The following HIPK2 variants were observed in gnomAD, a reference collection of about 807,000 sequenced individuals.
The protein encoded by HIPK2 is homeodomain-interacting protein kinase 2.
Under a neutral mutation model 113.7 loss-of-function variants are expected in HIPK2, and 27 were observed. The ratio of observed to expected loss-of-function variants is 0.24; its 90% CI spans 0.17 to 0.33. HIPK2 has a LOEUF of 0.33. HIPK2 is among the 10% of genes least tolerant of loss of function. HIPK2 has a pLI of 1.00. For synonymous variants in HIPK2, 631 were observed against 642.2 expected (o/e 0.98, Z 0.26); for missense variants, 1,257 against 1,588.0 (o/e 0.79, Z 3.54).
chr7:139,585,224 T>C (rs6959265), intron 12 of HIPK2, among the ~76,000 whole-genome samples: 8,741 of 152,288 alleles, frequency 0.057, 571 homozygotes, highest in African/African-American at 0.16. Context: ...GGGTATCTTG[T>C]TTGAGGCCAC....
chr7:139,565,705 T>TTTTTTTTTTC lies in HIPK2; in HGVS notation c.*7221_*7222insGAAAAAAAAA, dbSNP rs1798069633. On this transcript the variant is annotated 3_prime_UTR_variant, in exon 15 of 15. Transcript: ENST00000406875. ...CTTGTCTTTCTTCCACCTCTACTTC[T>TTTTTTTTTTC]TTTTTTTTTTCTTTTTTTTTTCTTT... 7.0e-6 allele frequency: 1 copy of TTTTTTTTTTC among 143,528 alleles called. No individual in the cohort carries two copies. Among genetic ancestry groups the TTTTTTTTTTC allele is most frequent in the Non-Finnish European group, 1.5e-5 (1 of 66,042 alleles). The allele number at this position is 143,528 out of a possible 1,614,324, so 8.9% of individuals were successfully genotyped here.
intron 1 of HIPK2, among the ~76,000 whole-genome samples, chr7:139,772,551 A>G (rs1369786534): frequency 6.8e-6 from 1 of 146,780 alleles, no homozygotes; most frequent in Non-Finnish European, 1.5e-5. Flanking sequence ...TACGTAAAGA[A>G]AACACTTCAA....
intron 12 of HIPK2, among the ~76,000 whole-genome samples, chr7:139,587,015 A>G (rs1190251920): frequency 6.6e-6 from 1 of 152,158 alleles, no homozygotes; most frequent in Non-Finnish European, 1.5e-5. Context: ...AAAATAGATA[A>G]CGGTGATGGC....
rs772561512 is a variant in HIPK2, at chr7:139,613,512, C to T, written c.1991-189G>A. ...TCTAACAAATTAAAAAACAAAACTC[C>T]TCCTGAAATCTTGAATGTCTTCAAA... is the stretch of plus-strand genomic sequence containing the variant. On this transcript the variant is annotated intron_variant, in intron 8 of 14. Coordinates refer to ENST00000406875, the MANE Select transcript of HIPK2 (RefSeq NM_022740.5). The surrounding 1 kb of genome is among the most constrained non-coding windows in gnomAD (Gnocchi z 4.2). The T allele has an allele frequency of 1.8e-4, 40 of 224,100 alleles. No homozygotes were observed. Among genetic ancestry groups the T allele is most frequent in the Non-Finnish European group, 2.9e-4 (39 of 134,042 alleles). The allele number at this position is 224,100 out of a possible 1,614,324, so 13.9% of individuals were successfully genotyped here.
chr7:139,711,179 G>A (rs1795055090), intron 2 of HIPK2, among the ~76,000 whole-genome samples: 1 of 151,896 alleles, frequency 6.6e-6, no homozygotes. Flanking sequence ...TGTAATCCCA[G>A]CACTTTGGGA....
At chr7:139,703,055 A>T (rs1352871307) in intron 2 of HIPK2, among the ~76,000 whole-genome samples, 3 of 152,162 alleles carry the variant, frequency 2.0e-5, no homozygotes, top group African/African-American at 7.2e-5. Context: ...ATGAACAAAC[A>T]TATCTTTTTT....
rs752518503 is a variant in HIPK2, at chr7:139,716,217, G to A, written c.818C>T (p.Thr273Met). ...CTCCAACATCTCGAAGACCAAGCAC[G>A]TGTGGTTCTTGTGCTGGAAGCATTC... ...AYECFQHKNH[T>M]CLVFEMLEQN... Residue 273 changes from threonine (T) to methionine (M), a missense_variant, in exon 2 of 15, where the codon ACG (threonine) becomes ATG (methionine). By Grantham distance (81) the Thr-to-Met change is moderately conservative (BLOSUM62 -1). Transcript: ENST00000406875. This position sits in a 1 kb window ranked among gnomAD's most constrained non-coding sequence, Gnocchi z 9.3. 4 of 1,614,030 alleles carry A rather than the reference G, an allele frequency of 2.5e-6. No individual in the cohort carries two copies. The highest frequency in any genetic ancestry group is 2.2e-5 in the East Asian group (1 of 44,890).
intron 1 of HIPK2, among the ~76,000 whole-genome samples, chr7:139,737,758 A>T (rs1795978690): frequency 6.6e-6 from 1 of 152,250 alleles, no homozygotes. Context: ...CTTAGTTGCA[A>T]GCTAAAATTT....
At chr7:139,595,165 T>G (rs1197165066) in intron 12 of HIPK2, among the ~76,000 whole-genome samples, 1 of 152,230 alleles carries the variant, frequency 6.6e-6, no homozygotes, top group African/African-American at 2.4e-5. Context: ...GATTTTAAAT[T>G]GCTTTTGCTT....
intron 2 of HIPK2, among the ~76,000 whole-genome samples, chr7:139,677,342 G>T (rs1802539394): frequency 6.6e-6 from 1 of 152,040 alleles, no homozygotes; most frequent in South Asian, 2.1e-4. Flanking sequence ...GCTGGGTAAA[G>T]TGACTTCATT....
chr7:139,659,079 T>C (rs1032431038), intron 2 of HIPK2, among the ~76,000 whole-genome samples: 3 of 152,178 alleles, frequency 2.0e-5, no homozygotes, highest in African/African-American at 7.2e-5. Flanking sequence ...GGTATTGGCA[T>C]TGGCTGACCA....
chr7:139,732,110 A>G (rs1420695322), intron 1 of HIPK2, among the ~76,000 whole-genome samples: 1 of 152,228 alleles, frequency 6.6e-6, no homozygotes, highest in Non-Finnish European at 1.5e-5. Flanking sequence ...AAGAATAATA[A>G]AGTAGCATTG....
In HIPK2 at chr7:139,634,682, T is replaced by TTTTTTTTTTG. The variant is rs1345309695; in HGVS notation, c.1104-2958_1104-2957insCAAAAAAAAA. On this transcript the variant is annotated intron_variant, in intron 2 of 14. Transcript: ENST00000406875. ...GGGACTATCTGTTTCAGGTTTTTTT[T>TTTTTTTTTTG]TTTTTTTTTTTTTGAGACAGAGTCT... Among the ~76,000 whole-genome samples, 110 of 143,260 alleles carry TTTTTTTTTTG rather than the reference T, an allele frequency of 7.7e-4. 7 individuals carry two copies. Among genetic ancestry groups the TTTTTTTTTTG allele is most frequent in the African/African-American group, 2.9e-3 (103 of 35,242 alleles). The allele number at this position is 143,260 out of a possible 152,430, so 94.0% of individuals were successfully genotyped here.
At chr7:139,697,863 ATT>A (rs1206821973) in intron 2 of HIPK2, among the ~76,000 whole-genome samples, 185 of 135,258 alleles carry the variant, frequency 1.4e-3, no homozygotes, top group African/African-American at 5.1e-3. Context: ...TCTTAATGGA[ATT>A]TTTTTTTTTT....
rs1442847448 is a variant in HIPK2 at position 139,568,174 on chromosome 7, C to A, written c.*4753G>T. 1 of 152,246 alleles carries A rather than the reference C, an allele frequency of 6.6e-6. No homozygotes were observed. The highest frequency in any genetic ancestry group is 2.4e-5 in the African/African-American group (1 of 41,428). The allele number at this position is 152,246 out of a possible 1,614,324, so 9.4% of individuals were successfully genotyped here. A position where few individuals can be genotyped will look rare whatever the true frequency, so the allele number is the denominator to read the frequency against. On this transcript the variant is annotated 3_prime_UTR_variant, in exon 15 of 15. Transcript: ENST00000406875. Reference sequence around the variant, plus strand: ...CTTCCTGATGTCCATCCGTCTCACACGTTGGTGTCTGGGCGGGCTGAGTCT... The same window carrying A: ...CTTCCTGATGTCCATCCGTCTCACAAGTTGGTGTCTGGGCGGGCTGAGTCT...
chr7:139,658,273 T>C (rs186475159), intron 2 of HIPK2, among the ~76,000 whole-genome samples: 1 of 149,144 alleles, frequency 6.7e-6, no homozygotes, highest in Non-Finnish European at 1.5e-5. Context: ...GCCATTGCAC[T>C]CCAGCCTAGG....
intron 10 of HIPK2, 140 bp from the exon 11 acceptor site, chr7:139,600,736 C>T: frequency 4.3e-6 from 4 of 921,842 alleles, no homozygotes; most frequent in Non-Finnish European, 6.5e-6. Context: ...AAGGGATGAG[C>T]CTGGCCATGT....
chr7:139,711,710 T>C (rs1029627883), intron 2 of HIPK2, among the ~76,000 whole-genome samples: 3 of 151,608 alleles, frequency 2.0e-5, no homozygotes, highest in African/African-American at 7.3e-5. Context: ...CTGCTGATAA[T>C]GGAAATACCC....
intron 2 of HIPK2, among the ~76,000 whole-genome samples, chr7:139,660,690 A>C (rs1477496453): frequency 6.6e-6 from 1 of 152,252 alleles, no homozygotes; most frequent in Non-Finnish European, 1.5e-5. Context: ...TGATATTCAC[A>C]GTCCTTGAGG....
Sources: allele counts gnomAD v4.1 joint callset (sites outside exome capture counted in the v4.1 genomes callset), GRCh38; gene constraint gnomAD v4.1.1; non-coding constraint Gnocchi (gnomAD v3.1); transcripts MANE v1.5; gene names NCBI Gene and HGNC (gene_info 2026-07-23, HGNC 2026-07-21).